DCAF4: variants seen among roughly 807,000 people sequenced by gnomAD.
The protein encoded by DCAF4 is DDB1- and CUL4-associated factor 4.
In DCAF4, 37 loss-of-function variants were observed where a neutral mutation model predicts 60.9. The observed-to-expected ratio is 0.61, with a 90% CI of 0.47 to 0.80. The LOEUF (loss-of-function observed/expected upper bound fraction) is 0.80, where lower values mean the gene tolerates loss of function less well. Among genes scored for constraint, DCAF4 ranks in the 30% least tolerant of loss-of-function variants. The pLI is 0.00. For synonymous variants in DCAF4, 243 were observed against 254.8 expected (o/e 0.95, Z 0.44); for missense variants, 577 against 650.0 (o/e 0.89, Z 1.22).
At chr14:72,938,392 C>T (rs1420093400) in intron 2 of DCAF4, among the ~76,000 whole-genome samples, 1 of 152,196 alleles carries the variant, frequency 6.6e-6, no homozygotes, top group Non-Finnish European at 1.5e-5. Flanking sequence ...ACTGGAAAAC[C>T]GTTTCTCCAT....
chr14:72,946,766 A>G (rs1759185854), intron 7 of DCAF4, among the ~76,000 whole-genome samples: 2 of 152,238 alleles, frequency 1.3e-5, no homozygotes, highest in Non-Finnish European at 2.9e-5. Flanking sequence ...TGATGGCGGC[A>G]TCCGTGAGAA....
At chr14:72,933,775 C>T (rs1425446946) in intron 1 of DCAF4, among the ~76,000 whole-genome samples, 5 of 152,164 alleles carry the variant, frequency 3.3e-5, no homozygotes, top group Admixed American at 2.0e-4. Flanking sequence ...AGTGTTCTTC[C>T]TTTATTCTTA....
chr14:72,951,107 A>G (rs1268602168), intron 8 of DCAF4, among the ~76,000 whole-genome samples: 2 of 152,032 alleles, frequency 1.3e-5, no homozygotes, highest in East Asian at 3.9e-4. Flanking sequence ...CAGCCTCCCA[A>G]GGAGCTGGTA....
rs561825055 is a variant in DCAF4, at chr14:72,959,294, G to T, written c.*489G>T. On this transcript the variant is annotated 3_prime_UTR_variant, in exon 14 of 14. Transcript: ENST00000358377. ...GGGGAGGTTACTTCTCTAAGTTTCT[G>T]CAGAAATATTGAAGGCTGGAGTTTG... The T allele has an allele frequency of 4.0e-5, 39 of 985,818 alleles. No individual in the cohort carries two copies. In the African/African-American group the frequency reaches 6.3e-4, roughly 16 times the overall value. 61.1% of individuals were successfully genotyped at this position (985,818 alleles called of 1,614,324 possible).
intron 5 of DCAF4, 117 bp from the exon 6 acceptor site, chr14:72,942,877 T>A (rs1890230484): frequency 1.2e-6 from 1 of 834,708 alleles, no homozygotes; most frequent in Admixed American, 2.5e-5. Context: ...AGAAGTACTG[T>A]GGAGCAGGCT....
intron 1 of DCAF4, among the ~76,000 whole-genome samples, chr14:72,931,874 C>T (rs1248913814): frequency 2.0e-5 from 3 of 151,908 alleles, no homozygotes; most frequent in African/African-American, 7.3e-5. Flanking sequence ...ATAAATCGCG[C>T]TTGGTCTTGG....
At chr14:72,943,275 G>A (rs1034472550) in intron 6 of DCAF4, among the ~76,000 whole-genome samples, 179 bp downstream of exon 6, 7 of 152,224 alleles carry the variant, frequency 4.6e-5, no homozygotes, top group Admixed American at 2.6e-4. Context: ...GAGACGCTGA[G>A]CTGGCAGGCA....
intron 11 of DCAF4, among the ~76,000 whole-genome samples, chr14:72,955,008 G>A (rs1487921180): frequency 6.6e-6 from 1 of 151,898 alleles, no homozygotes. Flanking sequence ...CCAGCTGCTC[G>A]AGAGACTGAG....
chr14:72,958,823 C>T lies in DCAF4; in HGVS notation c.*18C>T. The T allele has an allele frequency of 6.5e-7, 1 of 1,527,612 alleles. No homozygotes were observed. The highest frequency in any genetic ancestry group is 8.8e-7 in the Non-Finnish European group (1 of 1,140,416). The allele number at this position is 1,527,612 out of a possible 1,614,324, so 94.6% of individuals were successfully genotyped here. A position where few individuals can be genotyped will look rare whatever the true frequency, so the allele number is the denominator to read the frequency against. Reference sequence around the variant, plus strand: ...ACAGCTAATTCTGCAGGGCACAGCCCAGAGCCATGTGGATTTGACTTACGG... The same window carrying T: ...ACAGCTAATTCTGCAGGGCACAGCCTAGAGCCATGTGGATTTGACTTACGG... On this transcript the variant is annotated 3_prime_UTR_variant, in exon 14 of 14. Transcript: ENST00000358377.
chr14:72,952,661 G>A (rs2140291516), intron 9 of DCAF4, among the ~76,000 whole-genome samples: 1 of 151,916 alleles, frequency 6.6e-6, no homozygotes, highest in Admixed American at 6.6e-5. Context: ...AGGCCTCTGG[G>A]GTACTGGATT....
Position 72,947,151 on chromosome 14 carries a change from G to T in DCAF4, c.688G>T (p.Val230Leu). 3.1e-6 allele frequency: 5 copies of T among 1,614,114 alleles called. No individual in the cohort carries two copies. Among genetic ancestry groups the T allele is most frequent in the Non-Finnish European group, 4.2e-6 (5 of 1,180,008 alleles). ...TGTGCTTCCTCACCAGGTGAATTCG[G>T]TGTGCTGGGCCTCGCTGAATCACTT... ...LYFTNRKVNS[V>L]CWASLNHLDS... The change falls in exon 8 of 14, where the codon GTG (valine) becomes TTG (leucine). Residue 230 changes from valine to leucine, a missense_variant. Val to Leu is a conservative substitution (Grantham distance 32, BLOSUM62 1). Coordinates refer to ENST00000358377, the MANE Select transcript of DCAF4 (RefSeq NM_015604.4).
intron 6 of DCAF4, among the ~76,000 whole-genome samples, chr14:72,944,228 TCTGG>T (rs1380003112): frequency 6.6e-6 from 1 of 152,148 alleles, no homozygotes; most frequent in African/African-American, 2.4e-5. Flanking sequence ...TTACCGTGAC[TCTGG>T]CTGGCCGGTG....
chr14:72,955,258 C>G (rs2535909), intron 11 of DCAF4, among the ~76,000 whole-genome samples: 146,984 of 152,142 alleles, frequency 0.97, 71,021 homozygotes, highest in East Asian at 1. Context: ...AAAGGCCAAA[C>G]GGGACAGTGC....
chr14:72,937,621 A>C (rs943344816), intron 1 of DCAF4, among the ~76,000 whole-genome samples: 7 of 152,016 alleles, frequency 4.6e-5, no homozygotes, highest in African/African-American at 1.7e-4. Flanking sequence ...GGGTTTCACC[A>C]TGTTGGTCAG....
Position 72,954,155 on chromosome 14 carries a change from C to T in DCAF4, c.809-9C>T. On this transcript the variant is annotated splice_polypyrimidine_tract_variant and intron_variant, in intron 9 of 13. Coordinates refer to ENST00000358377, the MANE Select transcript of DCAF4 (RefSeq NM_015604.4). ...AGCCACACTTTACATTCTCCTATCCCCTTAGCAGGAATAGACCGGCCTGGC... is the reference window on the plus strand; with the variant it reads ...AGCCACACTTTACATTCTCCTATCCTCTTAGCAGGAATAGACCGGCCTGGC... 1 of 1,614,104 alleles carries T rather than the reference C, an allele frequency of 6.2e-7. No homozygotes were observed. The highest frequency in any genetic ancestry group is 8.5e-7 in the Non-Finnish European group (1 of 1,179,996).
rs1044869691 is a variant in DCAF4, at chr14:72,959,393, G to C, written c.*588G>C. 1.0e-5 allele frequency: 10 copies of C among 985,442 alleles called. No homozygotes were observed. The highest frequency in any genetic ancestry group is 1.2e-5 in the Non-Finnish European group (10 of 829,960). The allele number at this position is 985,442 out of a possible 1,614,324, so 61.0% of individuals were successfully genotyped here. ...TCTGCTGTTATTATCCAAAGGCGTT[G>C]GAAGGAAAGATGGATCTTCTTACAT... On this transcript the variant is annotated 3_prime_UTR_variant, in exon 14 of 14. Coordinates refer to ENST00000358377, the MANE Select transcript of DCAF4 (RefSeq NM_015604.4).
intron 2 of DCAF4, among the ~76,000 whole-genome samples, chr14:72,938,615 G>A (rs900678590): frequency 3.3e-5 from 5 of 152,120 alleles, no homozygotes; most frequent in African/African-American, 1.2e-4. Context: ...TAAGCTATAT[G>A]GTGTAGCCAA....
At chr14:72,948,131 A>T (rs1890979868) in intron 8 of DCAF4, among the ~76,000 whole-genome samples, 2 of 152,306 alleles carry the variant, frequency 1.3e-5, no homozygotes, top group Middle Eastern at 6.8e-3. Context: ...CTGAATCAGG[A>T]TCTTTTTTGT....
chr14:72,961,604 TCA>T (rs755102270), downstream of DCAF4, among the ~76,000 whole-genome samples: 9 of 152,338 alleles, frequency 5.9e-5, no homozygotes, highest in Non-Finnish European at 1.2e-4. Flanking sequence ...CACAAACCAT[TCA>T]CAGTCTTCCC....
Sources: allele counts gnomAD v4.1 joint callset (sites outside exome capture counted in the v4.1 genomes callset), GRCh38; gene constraint gnomAD v4.1.1; transcripts MANE v1.5; gene names NCBI Gene and HGNC (gene_info 2026-07-23, HGNC 2026-07-21).